Variants in MYO1B observed in about 807,000 individuals in gnomAD.
MYO1B encodes the protein myosin IB.
In MYO1B, 72 loss-of-function variants were observed where a neutral mutation model predicts 159.7. The ratio of observed to expected loss-of-function variants is 0.45; its 90% CI spans 0.37 to 0.55. The LOEUF (loss-of-function observed/expected upper bound fraction) is 0.55. Ranked by LOEUF, MYO1B falls within the 20% of genes least tolerant of loss-of-function variation. The pLI is 0.00. For missense variants in MYO1B, 1,062 were observed against 1,364.8 expected (o/e 0.78, Z 3.50); for synonymous variants, 468 against 473.8 (o/e 0.99, Z 0.16).
chr2:191,326,770 ATGTGTGTGTGTGTGTGTG>A (rs35184577), intron 3 of MYO1B, among the ~76,000 whole-genome samples: 15 of 137,054 alleles, frequency 1.1e-4, no homozygotes, highest in South Asian at 4.9e-4. Flanking sequence ...GTTTGTATAT[ATGTGTGTGTGTGTGTGTG>A]TGTGTGTGTG....
intron 3 of MYO1B, among the ~76,000 whole-genome samples, chr2:191,298,563 G>A (rs1015947728): frequency 6.6e-6 from 1 of 152,062 alleles, no homozygotes; most frequent in African/African-American, 2.4e-5. Flanking sequence ...TGATTCTTAG[G>A]CGCATGTAAG....
intron 27 of MYO1B, among the ~76,000 whole-genome samples, chr2:191,413,102 A>G (rs1418150417): frequency 6.6e-6 from 1 of 152,218 alleles, no homozygotes; most frequent in East Asian, 1.9e-4. Flanking sequence ...AATAGGTTTA[A>G]GGTTTCATTT....
chr2:191,270,215 T>C (rs1687377460), intron 1 of MYO1B, among the ~76,000 whole-genome samples: 1 of 152,190 alleles, frequency 6.6e-6, no homozygotes, highest in Non-Finnish European at 1.5e-5. Context: ...GGCCAATTCA[T>C]TGGTTGTAAA....
chr2:191,424,227 C>T lies in MYO1B; in HGVS notation c.*267C>T, dbSNP rs1698113847. 3.3e-5 allele frequency: 14 copies of T among 417,918 alleles called. No individual in the cohort carries two copies. The South Asian group carries it at 6.9e-4, about 21-fold the overall frequency. The allele number at this position is 417,918 out of a possible 1,614,324, so 25.9% of individuals were successfully genotyped here. ...TCTTCCTTTAGTCATCATGTTAGGT[C>T]TGTGTACCCTAAATCAGCATATTAC... On this transcript the variant is annotated 3_prime_UTR_variant, in exon 31 of 31. Transcript: ENST00000392318.
chr2:191,407,311 T>C (rs1696980130), intron 24 of MYO1B, among the ~76,000 whole-genome samples: 1 of 152,212 alleles, frequency 6.6e-6, no homozygotes, highest in South Asian at 2.1e-4. Flanking sequence ...ATATGTAATA[T>C]CTGAATTATT....
intron 1 of MYO1B, among the ~76,000 whole-genome samples, chr2:191,267,331 A>G (rs983577696): frequency 6.6e-6 from 1 of 152,220 alleles, no homozygotes; most frequent in Non-Finnish European, 1.5e-5. Context: ...TCAACAACAT[A>G]CTATATGGAA....
At chr2:191,251,849 C>G (rs1686140011) in intron 1 of MYO1B, among the ~76,000 whole-genome samples, 1 of 152,146 alleles carries the variant, frequency 6.6e-6, no homozygotes, top group Admixed American at 6.5e-5. Context: ...AAAAAGCTCC[C>G]CCAAAATACA....
At chr2:191,280,129 G>A (rs1203315563) in intron 2 of MYO1B, among the ~76,000 whole-genome samples, 2 of 152,136 alleles carry the variant, frequency 1.3e-5, no homozygotes, top group African/African-American at 2.4e-5. Flanking sequence ...TATGAGTTAC[G>A]ACTCTCTAGA....
chr2:191,337,893 A>G (rs1229867977), intron 4 of MYO1B, among the ~76,000 whole-genome samples: 2 of 152,200 alleles, frequency 1.3e-5, no homozygotes, highest in Non-Finnish European at 2.9e-5. Context: ...TTTGATTTGT[A>G]TAAGTATATA....
chr2:191,368,124 T>TA (rs1160709339), intron 11 of MYO1B, among the ~76,000 whole-genome samples: 3 of 152,212 alleles, frequency 2.0e-5, no homozygotes, highest in Admixed American at 6.5e-5. Flanking sequence ...GAAAAGGTGT[T>TA]ATCTTCAGCT....
chr2:191,278,061 A>G (rs951909161), intron 2 of MYO1B, among the ~76,000 whole-genome samples: 1 of 152,260 alleles, frequency 6.6e-6, no homozygotes, highest in Non-Finnish European at 1.5e-5. Context: ...TATCATAGAT[A>G]GCTCTCTTTT....
chr2:191,398,864 G>A (rs900020832), intron 21 of MYO1B, among the ~76,000 whole-genome samples: 2 of 152,006 alleles, frequency 1.3e-5, no homozygotes, highest in Admixed American at 6.5e-5. Flanking sequence ...CAGACGGGGT[G>A]GCGGCCGGGC....
chr2:191,339,151 C>T (rs1692047087), intron 4 of MYO1B, among the ~76,000 whole-genome samples: 1 of 152,018 alleles, frequency 6.6e-6, no homozygotes, highest in Non-Finnish European at 1.5e-5. Flanking sequence ...AAGAGAGCTG[C>T]CCCAGTGCTG....
At chr2:191,358,252 G>C (rs1356281094) in intron 7 of MYO1B, among the ~76,000 whole-genome samples, 1 of 152,162 alleles carries the variant, frequency 6.6e-6, no homozygotes, top group Non-Finnish European at 1.5e-5. Context: ...CAACCTCAGG[G>C]AAGGTGTTCA....
At chr2:191,250,629 T>G (rs1448070370) in intron 1 of MYO1B, among the ~76,000 whole-genome samples, 1 of 152,250 alleles carries the variant, frequency 6.6e-6, no homozygotes, top group East Asian at 1.9e-4. Context: ...TTCATGCTAC[T>G]GTTTATTAAG....
At chr2:191,284,914 G>A (rs1212929839) in intron 2 of MYO1B, among the ~76,000 whole-genome samples, 1 of 152,124 alleles carries the variant, frequency 6.6e-6, no homozygotes, top group African/African-American at 2.4e-5. Context: ...GATTATAGGT[G>A]TAAGCCACCA....
chr2:191,297,349 T>C (rs545378774), intron 3 of MYO1B, among the ~76,000 whole-genome samples: 2 of 152,318 alleles, frequency 1.3e-5, no homozygotes, highest in Admixed American at 1.3e-4. Context: ...AGTTGGTTGA[T>C]GCAGCATAAC....
intron 23 of MYO1B, chr2:191,401,797 G>T (rs1416463344): frequency 6.6e-6 from 1 of 152,202 alleles, no homozygotes; most frequent in Non-Finnish European, 1.5e-5. Flanking sequence ...CTAGTCAACT[G>T]AGGGAAATGT....
chr2:191,339,735 C>T (rs1310517872), intron 4 of MYO1B, among the ~76,000 whole-genome samples: 2 of 152,180 alleles, frequency 1.3e-5, no homozygotes, highest in East Asian at 3.8e-4. Flanking sequence ...AATGTATTTG[C>T]CAGTACTCCA....
Sources: allele counts gnomAD v4.1 joint callset (sites outside exome capture counted in the v4.1 genomes callset), GRCh38; gene constraint gnomAD v4.1.1; transcripts MANE v1.5; gene names NCBI Gene and HGNC (gene_info 2026-07-23, HGNC 2026-07-21).